The following EDARADD variants were observed in gnomAD, a reference collection of about 807,000 sequenced individuals.
The protein encoded by EDARADD is ectodysplasin-A receptor-associated adapter protein.
Under a neutral mutation model 25.6 loss-of-function variants are expected in EDARADD, and 20 were observed. The ratio of observed to expected loss-of-function variants is 0.78; its 90% CI spans 0.55 to 1.14. EDARADD has a LOEUF of 1.14. Ranked by LOEUF, EDARADD falls within the 50% of genes most tolerant of loss-of-function variation. EDARADD has a pLI of 0.00. For missense variants in EDARADD, 225 were observed against 270.1 expected (o/e 0.83, Z 1.17); for synonymous variants, 86 against 94.4 (o/e 0.91, Z 0.52).
At chr1:236,363,186 T>G (rs1466742548) in intron 3 of EDARADD, among the ~76,000 whole-genome samples, 5 of 150,048 alleles carry the variant, frequency 3.3e-5, no homozygotes, top group Non-Finnish European at 7.4e-5. Flanking sequence ...CAGATCTATT[T>G]CTGACATCTC....
In EDARADD at chr1:236,365,162, T is replaced by TTC. The variant is rs1032913083; in HGVS notation, c.-6+14339_-6+14340dup. Among the ~76,000 whole-genome samples, 31 of 150,480 alleles carry TTC rather than the reference T, an allele frequency of 2.1e-4. 1 individual carries two copies. The highest frequency in any genetic ancestry group is 6.3e-4 in the South Asian group (3 of 4,750). Reference sequence around the variant, plus strand: ...AGGTTTTCTTTTCTTTTTTTTTTCTTTCTCTCTCTCTCTCTCTTTGAGACA... The same window carrying TTC: ...AGGTTTTCTTTTCTTTTTTTTTTCTTTCTCTCTCTCTCTCTCTCTTTGAGACA... On this transcript the variant is annotated intron_variant, in intron 3 of 7. Coordinates refer to the EDARADD transcript ENST00000439430.
intron 3 of EDARADD, among the ~76,000 whole-genome samples, chr1:236,379,786 A>G (rs1667277333): frequency 1.3e-5 from 2 of 152,224 alleles, no homozygotes; most frequent in Non-Finnish European, 2.9e-5. Context: ...TCTCAAAAAA[A>G]CAATAAGTAA....
At position 236,395,849 on chromosome 1, in the gene EDARADD, C is replaced by T. The variant is rs1347202986; in HGVS notation, c.61+1344C>T. Among the ~76,000 whole-genome samples, 1 of 152,046 alleles carries T rather than the reference C, an allele frequency of 6.6e-6. No individual in the cohort carries two copies. Among genetic ancestry groups the T allele is most frequent in the Admixed American group, 6.5e-5 (1 of 15,274 alleles). On this transcript the variant is annotated intron_variant, in intron 1 of 5. Transcript: ENST00000334232. This position sits in a 1 kb window ranked among gnomAD's most constrained non-coding sequence, Gnocchi z 6.9. Reference sequence around the variant, plus strand: ...GGGGCTCCCAGTCCAGCCCCGCGAGCGGCTGCTGACCGCCCCTCCCGCGCT... The same window carrying T: ...GGGGCTCCCAGTCCAGCCCCGCGAGTGGCTGCTGACCGCCCCTCCCGCGCT...
At chr1:236,358,089 T>C (rs1667002929) in intron 3 of EDARADD, among the ~76,000 whole-genome samples, 1 of 152,198 alleles carries the variant, frequency 6.6e-6, no homozygotes, top group Admixed American at 6.5e-5. Context: ...CAGGCTGGTC[T>C]CAAACTCCTG....
chr1:236,353,169 G>A (rs578057520), intron 3 of EDARADD, among the ~76,000 whole-genome samples: 1 of 152,178 alleles, frequency 6.6e-6, no homozygotes, highest in Non-Finnish European at 1.5e-5. Flanking sequence ...ACAGGCCAGG[G>A]TTGTTACCTC....
intron 1 of EDARADD, among the ~76,000 whole-genome samples, chr1:236,405,824 T>C (rs144469414): frequency 0.035 from 991 of 28,104 alleles, 22 homozygotes; most frequent in African/African-American, 0.11. Flanking sequence ...TTCCTTCCTT[T>C]CCTTCCTTCC....
chr1:236,428,884 G>A (rs1335743435), intron 4 of EDARADD, among the ~76,000 whole-genome samples: 2 of 152,044 alleles, frequency 1.3e-5, no homozygotes, highest in South Asian at 2.1e-4. Flanking sequence ...CTGCAATCCC[G>A]GCGCCTCGGG....
intron 3 of EDARADD, among the ~76,000 whole-genome samples, chr1:236,415,548 C>T (rs649992): frequency 0.45 from 68,115 of 151,974 alleles, 17,526 homozygotes; most frequent in Non-Finnish European, 0.59. Flanking sequence ...CGGGTTCAAG[C>T]GATTCTCCTC....
intron 1 of EDARADD, 53 bp downstream of exon 1, chr1:236,394,558 A>C: frequency 6.5e-7 from 1 of 1,549,892 alleles, no homozygotes. Flanking sequence ...GTTTTTAGCC[A>C]GAGGTTGCTT....
chr1:236,464,185 C>G (rs1286151344), intron 4 of EDARADD, among the ~76,000 whole-genome samples: 1 of 152,132 alleles, frequency 6.6e-6, no homozygotes, highest in Non-Finnish European at 1.5e-5. Context: ...AAAATCGCTG[C>G]TCGTCTACTC....
At chr1:236,363,628 A>G (rs2102991998) in intron 3 of EDARADD, among the ~76,000 whole-genome samples, 1 of 152,150 alleles carries the variant, frequency 6.6e-6, no homozygotes, top group East Asian at 2.0e-4. Context: ...TCCTGGGCTC[A>G]AGCGATTTTC....
rs552865857 is a variant in EDARADD, at chr1:236,395,065, C to G, written c.61+560C>G. ...CCTGCTTAAAGATCAGGAAATTTGT[C>G]TAAATATCAGATCGCCGGCGGGCAT... On this transcript the variant is annotated intron_variant, in intron 1 of 5. Transcript: ENST00000334232. The surrounding 1 kb of genome is among the most constrained non-coding windows in gnomAD (Gnocchi z 6.9). 3.8e-4 allele frequency among the ~76,000 whole-genome samples: 58 copies of G among 152,354 alleles called. No homozygotes were observed. Among genetic ancestry groups the G allele is most frequent in the African/African-American group, 1.2e-3 (50 of 41,584 alleles).
intron 3 of EDARADD, among the ~76,000 whole-genome samples, chr1:236,365,320 C>T (rs1344281165): frequency 1.3e-5 from 2 of 151,990 alleles, no homozygotes; most frequent in African/African-American, 4.8e-5. Flanking sequence ...CGTGCCACCA[C>T]ACCTGGCTAA....
intron 4 of EDARADD, among the ~76,000 whole-genome samples, chr1:236,455,939 G>A (rs547542141): frequency 5.9e-5 from 9 of 152,242 alleles, no homozygotes; most frequent in Non-Finnish European, 8.8e-5. Context: ...ACAGGCGCCC[G>A]CCACCACGTC....
chr1:236,458,137 G>T (rs1397611338), intron 4 of EDARADD, among the ~76,000 whole-genome samples: 2 of 152,168 alleles, frequency 1.3e-5, no homozygotes, highest in Non-Finnish European at 2.9e-5. Flanking sequence ...AAATTAATTG[G>T]GAGTACCCAT....
At chr1:236,409,068 TAAAAAA>T (rs772223735) in intron 1 of EDARADD, 142 bp from the exon 2 acceptor site, 5 of 333,306 alleles carry the variant, frequency 1.5e-5, no homozygotes, top group African/African-American at 7.6e-5. Flanking sequence ...TCCTATTTCT[TAAAAAA>T]AAAAAAAAAA....
At chr1:236,448,873 CT>C (rs1658634584) in intron 4 of EDARADD, among the ~76,000 whole-genome samples, 1 of 152,204 alleles carries the variant, frequency 6.6e-6, no homozygotes, top group South Asian at 2.1e-4. Context: ...GAGATTTCTT[CT>C]TTTTCCTTTT....
chr1:236,450,154 C>T (rs941484905), intron 4 of EDARADD, among the ~76,000 whole-genome samples: 1 of 151,636 alleles, frequency 6.6e-6, no homozygotes, highest in African/African-American at 2.4e-5. Context: ...GATGAGGGCC[C>T]AGTGTGGTGG....
At chr1:236,471,919 G>C (rs898368869) in intron 5 of EDARADD, among the ~76,000 whole-genome samples, 4 of 152,292 alleles carry the variant, frequency 2.6e-5, no homozygotes, top group Admixed American at 2.6e-4. Flanking sequence ...GAATTGTGAA[G>C]CTTGTTGCAA....
Sources: allele counts gnomAD v4.1 joint callset (sites outside exome capture counted in the v4.1 genomes callset), GRCh38; gene constraint gnomAD v4.1.1; non-coding constraint Gnocchi (gnomAD v3.1); transcripts MANE v1.5; gene names NCBI Gene and HGNC (gene_info 2026-07-23, HGNC 2026-07-21).